Variants in CDH13 observed in about 807,000 individuals in gnomAD.
CDH13 encodes cadherin-13.
A neutral mutation model predicts 63.8 loss-of-function variants in CDH13; 24 were observed. The ratio of observed to expected loss-of-function variants is 0.38; its 90% CI spans 0.27 to 0.53. The LOEUF is 0.53. Ranked by LOEUF, CDH13 falls within the 20% of genes least tolerant of loss-of-function variation. The probability of loss-of-function intolerance (pLI) is 0.85; values close to 1 mark genes in which losing one functional copy is unlikely to be tolerated. For missense variants in CDH13, 1,049 were observed against 903.1 expected (o/e 1.16, Z -2.07); for synonymous variants, 503 against 355.3 (o/e 1.42, Z -4.67).
At chr16:83,368,056 A>C (rs985551786) in intron 6 of CDH13, among the ~76,000 whole-genome samples, 1 of 152,126 alleles carries the variant, frequency 6.6e-6, no homozygotes, top group Non-Finnish European at 1.5e-5. Context: ...TTATTTTCTT[A>C]ATTTCTTATG....
At chr16:83,313,903 A>C (rs2090052234) in intron 5 of CDH13, among the ~76,000 whole-genome samples, 1 of 152,206 alleles carries the variant, frequency 6.6e-6, no homozygotes. Flanking sequence ...TTACATTGCT[A>C]AGGTAACCTA....
intron 7 of CDH13, among the ~76,000 whole-genome samples, chr16:83,508,119 AAGGGAGG>A (rs2074458995): frequency 1.3e-5 from 1 of 75,494 alleles, no homozygotes; most frequent in Non-Finnish European, 2.6e-5. Context: ...AAAAGGAAGG[AAGGGAGG>A]AAGGAAAGGG....
chr16:83,042,564 G>C (rs1917419268), intron 3 of CDH13, among the ~76,000 whole-genome samples: 1 of 152,144 alleles, frequency 6.6e-6, no homozygotes, highest in South Asian at 2.1e-4. Context: ...GAAATAAAGT[G>C]CATGATAAAT....
intron 7 of CDH13, among the ~76,000 whole-genome samples, chr16:83,570,582 G>A: frequency 6.6e-6 from 1 of 151,740 alleles, no homozygotes; most frequent in East Asian, 1.9e-4. Context: ...CTAGCACAGT[G>A]TATGCAATCA....
At chr16:83,582,560 C>T (rs1160359746) in intron 7 of CDH13, among the ~76,000 whole-genome samples, 2 of 152,142 alleles carry the variant, frequency 1.3e-5, no homozygotes, top group Admixed American at 6.5e-5. Context: ...CCCAGCCCAC[C>T]CACTGTTCTG....
chr16:83,391,489 C>T (rs976082308), intron 6 of CDH13, among the ~76,000 whole-genome samples: 5 of 152,188 alleles, frequency 3.3e-5, no homozygotes, highest in Admixed American at 3.3e-4. Context: ...CAGGCATGAG[C>T]CACCGTGCCA....
intron 7 of CDH13, among the ~76,000 whole-genome samples, chr16:83,522,070 G>T (rs1307890773): frequency 1.3e-5 from 2 of 152,142 alleles, no homozygotes; most frequent in African/African-American, 4.8e-5. Context: ...CCTAGGTAAG[G>T]TCTGCAAATC....
chr16:83,093,732 C>G (rs1432624701), intron 3 of CDH13, among the ~76,000 whole-genome samples: 1 of 152,198 alleles, frequency 6.6e-6, no homozygotes, highest in South Asian at 2.1e-4. Flanking sequence ...GCGCTTGTAC[C>G]TCCACTCCCT....
chr16:82,902,384 A>G (rs1279365034), intron 2 of CDH13, among the ~76,000 whole-genome samples: 1 of 146,848 alleles, frequency 6.8e-6, no homozygotes, highest in Non-Finnish European at 1.5e-5. Flanking sequence ...AAGCCAGGTT[A>G]GGAGAAAAAA....
chr16:83,594,101 G>A (rs1907030351), intron 7 of CDH13, among the ~76,000 whole-genome samples: 1 of 152,156 alleles, frequency 6.6e-6, no homozygotes. Context: ...TCTAAGGAAG[G>A]CTCCACTTCC....
intron 3 of CDH13, among the ~76,000 whole-genome samples, chr16:83,045,751 C>G (rs957496253): frequency 6.6e-6 from 1 of 151,266 alleles, no homozygotes; most frequent in Non-Finnish European, 1.5e-5. Context: ...CTATTTGATT[C>G]TCTGTTCTCA....
intron 1 of CDH13, among the ~76,000 whole-genome samples, chr16:82,790,908 GAGAC>G (rs1212651966): frequency 2.0e-5 from 3 of 152,180 alleles, no homozygotes; most frequent in African/African-American, 7.2e-5. Context: ...TTGTGGGTGA[GAGAC>G]AGGACTAGCT....
chr16:83,047,038 C>CAT lies in CDH13; in HGVS notation c.366+14820_366+14821insAT. On this transcript the variant is annotated intron_variant, in intron 3 of 13. Transcript: ENST00000567109. This position sits in a 1 kb window ranked among gnomAD's most constrained non-coding sequence, Gnocchi z 4.9. ...CAAATCCTTTGACAGAGAATGTGCA[C>CAT]TGTCAACCAACCCCTTCATCGAGTC... Among the ~76,000 whole-genome samples the CAT allele has an allele frequency of 6.6e-6, 1 of 151,986 alleles. No homozygotes were observed. The highest frequency in any genetic ancestry group is 2.1e-4 in the South Asian group (1 of 4,820).
intron 4 of CDH13, among the ~76,000 whole-genome samples, chr16:83,143,420 C>T (rs575352501): frequency 6.6e-6 from 1 of 152,026 alleles, no homozygotes; most frequent in African/African-American, 2.4e-5. Context: ...TTACATAAAG[C>T]ACATTTTGTG....
At chr16:83,013,346 T>C (rs1450257455) in intron 2 of CDH13, among the ~76,000 whole-genome samples, 1 of 152,202 alleles carries the variant, frequency 6.6e-6, no homozygotes, top group African/African-American at 2.4e-5. Context: ...CACAACTTTG[T>C]GTCATCCTAT....
intron 2 of CDH13, among the ~76,000 whole-genome samples, chr16:82,917,737 C>G (rs1177898200): frequency 1.3e-5 from 2 of 151,858 alleles, no homozygotes; most frequent in African/African-American, 4.8e-5. Flanking sequence ...CATGGTGAAA[C>G]CTCGGCTCTA....
intron 4 of CDH13, among the ~76,000 whole-genome samples, chr16:83,191,528 CACATATATATATATAT>C (rs2038712398): frequency 2.9e-5 from 2 of 70,108 alleles, no homozygotes; most frequent in Non-Finnish European, 5.4e-5. Context: ...CACACACACA[CACATATATATATATAT>C]ATATATATAT....
At chr16:83,078,564 G>C (rs1160188011) in intron 3 of CDH13, among the ~76,000 whole-genome samples, 1 of 152,184 alleles carries the variant, frequency 6.6e-6, no homozygotes, top group Middle Eastern at 3.2e-3. Flanking sequence ...ATCTCCTGCT[G>C]TCCGGCCAGG....
intron 1 of CDH13, among the ~76,000 whole-genome samples, chr16:82,656,979 T>A (rs1911374540): frequency 6.6e-6 from 1 of 151,526 alleles, no homozygotes; most frequent in African/African-American, 2.4e-5. Flanking sequence ...TCACAGTTTA[T>A]CCATTGACCT....
Sources: gnomAD v4.1 joint callset for allele counts (sites outside exome capture counted in the v4.1 genomes callset) on GRCh38, gnomAD v4.1.1 for gene constraint, Gnocchi (gnomAD v3.1) non-coding constraint, MANE v1.5 for transcripts, NCBI Gene and HGNC (gene_info 2026-07-23, HGNC 2026-07-21) for gene names.